Variants in IQSEC1 observed in about 807,000 individuals in gnomAD.
IQSEC1 encodes IQ motif and Sec7 domain ArfGEF 1.
IQSEC1 carries 31 observed loss-of-function variants against 91.0 expected under a neutral mutation model. The observed-to-expected ratio is 0.34, with a 90% CI of 0.26 to 0.46. The LOEUF (loss-of-function observed/expected upper bound fraction) is 0.46. Ranked by LOEUF, IQSEC1 falls within the 20% of genes least tolerant of loss-of-function variation. The pLI is 1.00. For synonymous variants in IQSEC1, 699 were observed against 662.6 expected, an observed-to-expected ratio of 1.05 and a Z score of -0.84; for missense variants, 1,388 against 1,575.6, an observed-to-expected ratio of 0.88 and a Z score of 2.02.
At chr3:13,004,881 GGAGCT>G (rs1226262503) in intron 1 of IQSEC1, among the ~76,000 whole-genome samples, 6 of 152,120 alleles carry the variant, frequency 3.9e-5, no homozygotes, top group Middle Eastern at 3.2e-3. Flanking sequence ...TTGACTCCTG[GGAGCT>G]GCTCAGGGAC....
chr3:13,112,588 C>G (rs185422487), intron 2 of IQSEC1, among the ~76,000 whole-genome samples: 3,622 of 131,068 alleles, frequency 0.028, 36 homozygotes, highest in East Asian at 0.043. Flanking sequence ...TGCGTGCTGG[C>G]CCCCAGGCAC....
intron 2 of IQSEC1, among the ~76,000 whole-genome samples, chr3:13,110,633 AC>A (rs1454781564): frequency 6.6e-6 from 1 of 152,092 alleles, no homozygotes; most frequent in Non-Finnish European, 1.5e-5. Flanking sequence ...GATTCTGCAC[AC>A]CCACCACACC....
chr3:13,144,505 G>C (rs1559263720), intron 2 of IQSEC1, among the ~76,000 whole-genome samples: 1 of 152,190 alleles, frequency 6.6e-6, no homozygotes, highest in African/African-American at 2.4e-5. Context: ...GGCATCAACA[G>C]TCACACTCAT....
At position 12,936,657 on chromosome 3, in the gene IQSEC1, G is replaced by A; in HGVS notation, c.359C>T (p.Thr120Ile). The A allele has an allele frequency of 6.3e-7, 1 of 1,599,474 alleles. No homozygotes were observed. The highest frequency in any genetic ancestry group is 8.5e-7 in the Non-Finnish European group (1 of 1,172,876). ...CTGGATGGTGCGGGCCGCATGGCGGGTTACCAGGCGCCCCCCATACTTTCG... is the reference window on the plus strand; with the variant it reads ...CTGGATGGTGCGGGCCGCATGGCGGATTACCAGGCGCCCCCCATACTTTCG... ...LERKYGGRLV[T>I]RHAARTIQTA... The change falls in exon 3 of 14, where the codon ACC becomes ATC. Residue 120 changes from threonine to isoleucine, a missense_variant. Physicochemically the swap from Thr to Ile is moderately conservative, Grantham distance 89. This residue lies in a region of IQSEC1 where 1,059 missense variants were observed against 1,317.8 expected (regional missense o/e 0.80). Transcript: ENST00000613206.
At chr3:13,216,469 C>T (rs1694553161) in intron 1 of IQSEC1, among the ~76,000 whole-genome samples, 1 of 152,138 alleles carries the variant, frequency 6.6e-6, no homozygotes, top group South Asian at 2.1e-4. Flanking sequence ...CAGAGACACA[C>T]CCAGGGCTAG....
intron 1 of IQSEC1, among the ~76,000 whole-genome samples, chr3:13,190,284 C>A (rs1279626599): frequency 6.6e-6 from 1 of 152,174 alleles, no homozygotes; most frequent in African/African-American, 2.4e-5. Context: ...TCCATGAGTG[C>A]GAGTGGGGCC....
chr3:13,202,042 G>T (rs1200338584), intron 1 of IQSEC1, among the ~76,000 whole-genome samples: 1 of 152,246 alleles, frequency 6.6e-6, no homozygotes, highest in Non-Finnish European at 1.5e-5. Flanking sequence ...GCCAAGAGGA[G>T]TCTTGCTTCA....
intron 7 of IQSEC1, among the ~76,000 whole-genome samples, 154 bp downstream of exon 7, chr3:12,915,440 G>C (rs1695986701): frequency 6.6e-6 from 1 of 152,250 alleles, no homozygotes; most frequent in Non-Finnish European, 1.5e-5. Flanking sequence ...AAATATGACA[G>C]GAGACACTCG....
intron 1 of IQSEC1, among the ~76,000 whole-genome samples, chr3:13,043,835 G>A (rs373134947): frequency 6.6e-5 from 10 of 152,300 alleles, no homozygotes; most frequent in East Asian, 3.9e-4. Context: ...TGCACAACCC[G>A]ACATCGTTTG....
At chr3:13,199,755 C>T (rs1363827390) in intron 1 of IQSEC1, among the ~76,000 whole-genome samples, 2 of 151,012 alleles carry the variant, frequency 1.3e-5, no homozygotes, top group Admixed American at 1.3e-4. Context: ...TGGCTGTCCC[C>T]GGACGTGAGG....
At chr3:13,177,126 C>T (rs540046958) in intron 1 of IQSEC1, among the ~76,000 whole-genome samples, 183 of 152,254 alleles carry the variant, frequency 1.2e-3, no homozygotes, top group Middle Eastern at 3.4e-3. Flanking sequence ...TAGACAATGG[C>T]GAGGGGTGTA....
chr3:12,994,739 C>T lies in IQSEC1; in HGVS notation c.24-52874G>A, dbSNP rs1702157370. ...CCTCCGCGTCCCCTCCAGGACACAC[C>T]CTCCTGACTGTTTGGGGACGGGGTG... On this transcript the variant is annotated intron_variant, in intron 1 of 13. Coordinates refer to ENST00000613206, the MANE Select transcript of IQSEC1 (RefSeq NM_001134382.3). This position sits in a 1 kb window ranked among gnomAD's most constrained non-coding sequence, Gnocchi z 4.5. Among the ~76,000 whole-genome samples the T allele has an allele frequency of 6.6e-6, 1 of 152,138 alleles. No individual in the cohort carries two copies. The highest frequency in any genetic ancestry group is 2.4e-5 in the African/African-American group (1 of 41,438).
At chr3:12,989,822 C>A (rs1576123911) in intron 1 of IQSEC1, among the ~76,000 whole-genome samples, 1 of 152,160 alleles carries the variant, frequency 6.6e-6, no homozygotes, top group East Asian at 1.9e-4. Flanking sequence ...GGATTAGGTC[C>A]CCCATGATAA....
At position 12,994,128 on chromosome 3, in the gene IQSEC1, G is replaced by C. The variant is rs960604967; in HGVS notation, c.24-52263C>G. On this transcript the variant is annotated intron_variant, in intron 1 of 13. Transcript: ENST00000613206. This position sits in a 1 kb window ranked among gnomAD's most constrained non-coding sequence, Gnocchi z 4.5. ...CCGAGAGCGCGCCGTCCCCGCGGCC[G>C]GCGCGGCCCCAGAGCGTCCGGTGGC... 6.8e-6 allele frequency among the ~76,000 whole-genome samples: 1 copy of C among 146,232 alleles called. No homozygotes were observed. Among genetic ancestry groups the C allele is most frequent in the East Asian group, 2.0e-4 (1 of 5,064 alleles).
chr3:13,079,944 A>C (rs1234309759), intron 2 of IQSEC1, among the ~76,000 whole-genome samples: 4 of 152,326 alleles, frequency 2.6e-5, no homozygotes, highest in Non-Finnish European at 4.4e-5. Flanking sequence ...GAAAAACAGA[A>C]GTTTCCTGGA....
At position 12,924,858 on chromosome 3, in the gene IQSEC1, G is replaced by A. The variant is rs915177038; in HGVS notation, c.1569-116C>T. 30 of 982,052 alleles carry A rather than the reference G, an allele frequency of 3.1e-5. No homozygotes were observed. The highest frequency in any genetic ancestry group is 2.6e-4 in the East Asian group (9 of 34,670). The allele number at this position is 982,052 out of a possible 1,614,324, so 60.8% of individuals were successfully genotyped here. A position where few individuals can be genotyped will look rare whatever the true frequency, so the allele number is the denominator to read the frequency against. On this transcript the variant is annotated intron_variant, in intron 3 of 13. Coordinates refer to ENST00000613206, the MANE Select transcript of IQSEC1 (RefSeq NM_001134382.3). The surrounding 1 kb of genome is among the most constrained non-coding windows in gnomAD (Gnocchi z 6.3). ...TTCTCCCTCCCTGCCCACCTGCACC[G>A]GCCTTCATCCCTGTAGGCATTCAGG...
intron 2 of IQSEC1, among the ~76,000 whole-genome samples, chr3:13,139,322 T>C (rs1706761947): frequency 6.6e-6 from 1 of 152,234 alleles, no homozygotes; most frequent in South Asian, 2.1e-4. Context: ...AAGATCCCCT[T>C]TGGAGTCCGT....
intron 1 of IQSEC1, among the ~76,000 whole-genome samples, chr3:12,981,469 C>T (rs879327194): frequency 2.0e-5 from 3 of 152,026 alleles, no homozygotes; most frequent in Non-Finnish European, 2.9e-5. Flanking sequence ...GGGGGAGAAC[C>T]GGCTGCTGGG....
At position 12,941,968 on chromosome 3, in the gene IQSEC1, T is replaced by C. The variant is rs1308833920; in HGVS notation, c.24-103A>G. 4.5e-6 allele frequency: 5 copies of C among 1,107,564 alleles called. No individual in the cohort carries two copies. In the African/African-American group the frequency reaches 6.3e-5, roughly 14 times the overall value. 68.6% of individuals were successfully genotyped at this position (1,107,564 alleles called of 1,614,324 possible). On this transcript the variant is annotated intron_variant, in intron 1 of 13. Coordinates refer to ENST00000613206, the MANE Select transcript of IQSEC1 (RefSeq NM_001134382.3). ...CACCATGCTCCTGGAGGAGCCCCCA[T>C]GCCCGTTCTTCTCACACCCCATGGC...
Sources: allele counts gnomAD v4.1 joint callset (sites outside exome capture counted in the v4.1 genomes callset), GRCh38; gene constraint gnomAD v4.1.1; regional missense constraint gnomAD v4.1.1; non-coding constraint Gnocchi (gnomAD v3.1); transcripts MANE v1.5; gene names NCBI Gene and HGNC (gene_info 2026-07-23, HGNC 2026-07-21).